The following STK25 variants were observed in gnomAD, a reference collection of about 807,000 sequenced individuals.
The protein encoded by STK25 is serine/threonine-protein kinase 25.
STK25 carries 29 observed loss-of-function variants against 53.8 expected under a neutral mutation model. That is an observed-to-expected ratio of 0.54 (90% CI 0.40 to 0.74). The LOEUF is 0.74. Ranked by LOEUF, STK25 falls within the 30% of genes least tolerant of loss-of-function variation. The probability of loss-of-function intolerance (pLI) is 0.00; values close to 1 mark genes in which losing one functional copy is unlikely to be tolerated. For synonymous variants in STK25, 247 were observed against 238.3 expected (o/e 1.04, Z -0.33); for missense variants, 420 against 568.0 (o/e 0.74, Z 2.65).
chr2:241,498,107 C>A, intron 9 of STK25, 128 bp downstream of exon 9: 1 of 876,288 alleles, frequency 1.1e-6, no homozygotes, highest in South Asian at 1.5e-5. Context: ...GGGCTTCAGA[C>A]CACCCCTGCC....
chr2:241,493,097 C>A lies in STK25; in HGVS notation c.*2565G>T. 1.8e-6 allele frequency: 2 copies of A among 1,141,628 alleles called. No homozygotes were observed. Among genetic ancestry groups the A allele is most frequent in the Non-Finnish European group, 2.7e-6 (2 of 750,564 alleles). 70.7% of individuals were successfully genotyped at this position (1,141,628 alleles called of 1,614,324 possible). ...GCTAGCAGACAGACACTTAACCCTG[C>A]TCACCTGTGTCCCTTTTGTATTTTG... On this transcript the variant is annotated 3_prime_UTR_variant, in exon 12 of 12. Coordinates refer to ENST00000316586, the MANE Select transcript of STK25 (RefSeq NM_001271977.2).
chr2:241,496,947 C>T lies in STK25; in HGVS notation c.1105-413G>A, dbSNP rs895024793. ...TCCATCAGGACACCAGCATCTGAGC[C>T]TCCTGTCACCGGGTGTCACCCACCC... On this transcript the variant is annotated intron_variant, in intron 10 of 11. Coordinates refer to ENST00000316586, the MANE Select transcript of STK25 (RefSeq NM_001271977.2). This position sits in a 1 kb window ranked among gnomAD's most constrained non-coding sequence, Gnocchi z 5.8. 6.6e-6 allele frequency among the ~76,000 whole-genome samples: 1 copy of T among 152,256 alleles called. No homozygotes were observed. Among genetic ancestry groups the T allele is most frequent in the Non-Finnish European group, 1.5e-5 (1 of 68,046 alleles).
In STK25 at chr2:241,508,153, G is replaced by C; in HGVS notation, c.-100-18C>G. The C allele has an allele frequency of 6.8e-7, 1 of 1,470,252 alleles. No individual in the cohort carries two copies. The highest frequency in any genetic ancestry group is 1.5e-5 in the African/African-American group (1 of 68,632). 91.1% of individuals were successfully genotyped at this position (1,470,252 alleles called of 1,614,324 possible). ...TCAGTCCACTGCGAGGGACACCAGG[G>C]GCGCTCGGTGCCCAGTTCAGTCATC... On this transcript the variant is annotated intron_variant, in intron 1 of 11. Coordinates refer to ENST00000316586, the MANE Select transcript of STK25 (RefSeq NM_001271977.2).
Position 241,494,250 on chromosome 2 carries a change from G to T in STK25, c.*1412C>A. 1 of 510,566 alleles carries T rather than the reference G, an allele frequency of 2.0e-6. No homozygotes were observed. The highest frequency in any genetic ancestry group is 3.3e-6 in the Non-Finnish European group (1 of 300,764). 31.6% of individuals were successfully genotyped at this position (510,566 alleles called of 1,614,324 possible). A position where few individuals can be genotyped will look rare whatever the true frequency, so the allele number is the denominator to read the frequency against. ...TCTCACTGGATCCCCACTGGCACCA[G>T]CAGTGTGGGTGGGCCTCATGTAACA... On this transcript the variant is annotated 3_prime_UTR_variant, in exon 12 of 12. Coordinates refer to ENST00000316586, the MANE Select transcript of STK25 (RefSeq NM_001271977.2). The surrounding 1 kb of genome is among the most constrained non-coding windows in gnomAD (Gnocchi z 4.9).
Position 241,496,865 on chromosome 2 carries a change from A to C in STK25, c.1105-331T>G, listed in dbSNP as rs1268870571. Among the ~76,000 whole-genome samples, 1 of 152,200 alleles carries C rather than the reference A, an allele frequency of 6.6e-6. No individual in the cohort carries two copies. The highest frequency in any genetic ancestry group is 2.4e-5 in the African/African-American group (1 of 41,448). ...ACTCAATGGGTCTAATCAGACCCAA[A>C]AACACGAAGCCCAGAAACCCCCAAA... On this transcript the variant is annotated intron_variant, in intron 10 of 11. Transcript: ENST00000316586. The surrounding 1 kb of genome is among the most constrained non-coding windows in gnomAD (Gnocchi z 5.8).
intron 1 of STK25, 102 bp downstream of exon 1, chr2:241,508,341 G>A (rs2065984904): frequency 2.6e-6 from 3 of 1,168,914 alleles, no homozygotes; most frequent in South Asian, 6.0e-5. Context: ...GCTTCCTCCC[G>A]GTGCCCCCGC....
At chr2:241,498,123 C>A in intron 9 of STK25, 112 bp downstream of exon 9, 3 of 1,049,714 alleles carry the variant, frequency 2.9e-6, no homozygotes, top group East Asian at 2.4e-5. Flanking sequence ...CTGCCTTTCC[C>A]AAGCTCCTTG....
chr2:241,493,971 G>T lies in STK25; in HGVS notation c.*1691C>A. 1 of 1,253,026 alleles carries T rather than the reference G, an allele frequency of 8.0e-7. No homozygotes were observed. 77.6% of individuals were successfully genotyped at this position (1,253,026 alleles called of 1,614,324 possible). The stretch of plus-strand genomic sequence containing the variant: ...TTCTTGGGACAGTGTCTGAGCACAA[G>T]ATGGCTCACTGGTCTGATGGCCGCC... On this transcript the variant is annotated 3_prime_UTR_variant, in exon 12 of 12. Coordinates refer to ENST00000316586, the MANE Select transcript of STK25 (RefSeq NM_001271977.2).
chr2:241,493,135 C>A lies in STK25; in HGVS notation c.*2527G>T. The stretch of plus-strand genomic sequence containing the variant: ...CTTTTGTATTTTGGTTCTGCCCTCC[C>A]ATGCTTTGCCCACACACCCTGTGCT... On this transcript the variant is annotated 3_prime_UTR_variant, in exon 12 of 12. Transcript: ENST00000316586. 8.7e-7 allele frequency: 1 copy of A among 1,146,524 alleles called. No homozygotes were observed. Among genetic ancestry groups the A allele is most frequent in the South Asian group, 1.3e-5 (1 of 76,932 alleles). The allele number at this position is 1,146,524 out of a possible 1,614,324, so 71.0% of individuals were successfully genotyped here.
chr2:241,506,814 C>G (rs185124728), intron 2 of STK25, among the ~76,000 whole-genome samples: 9 of 152,138 alleles, frequency 5.9e-5, no homozygotes, highest in Non-Finnish European at 1.0e-4. Context: ...GATTTTTCTC[C>G]CAGCACCTTA....
In STK25 at chr2:241,501,019, C is replaced by G; in HGVS notation, c.262-223G>C. On this transcript the variant is annotated intron_variant, in intron 3 of 11. Coordinates refer to ENST00000316586, the MANE Select transcript of STK25 (RefSeq NM_001271977.2). The surrounding 1 kb of genome is among the most constrained non-coding windows in gnomAD (Gnocchi z 5.3). Reference sequence around the variant, plus strand: ...ACAGGTTGAGTACACACAGCAGTGGCTGACTCCACTTCACCAAGACCCCAT... The same window carrying G: ...ACAGGTTGAGTACACACAGCAGTGGGTGACTCCACTTCACCAAGACCCCAT... 1 of 592,474 alleles carries G rather than the reference C, an allele frequency of 1.7e-6. No individual in the cohort carries two copies. Among genetic ancestry groups the G allele is most frequent in the South Asian group, 2.1e-5 (1 of 48,282 alleles). 36.7% of individuals were successfully genotyped at this position (592,474 alleles called of 1,614,324 possible).
At chr2:241,505,737 G>A (rs1372253965) in intron 2 of STK25, among the ~76,000 whole-genome samples, 1 of 152,208 alleles carries the variant, frequency 6.6e-6, no homozygotes, top group East Asian at 1.9e-4. Flanking sequence ...CTGTGTGACA[G>A]GAACCCTCTT....
At position 241,495,310 on chromosome 2, in the gene STK25, T is replaced by TTGC. The variant is rs1475510615; in HGVS notation, c.*349_*351dup. ...GGAGGAGGCAGAGCTGCCCTGATAG[T>TTGC]TGCTCTGCGCCTTGGTCTGAGCGGC... On this transcript the variant is annotated 3_prime_UTR_variant, in exon 12 of 12. Coordinates refer to ENST00000316586, the MANE Select transcript of STK25 (RefSeq NM_001271977.2). The TTGC allele has an allele frequency of 1.2e-5, 3 of 243,026 alleles. No individual in the cohort carries two copies. Among genetic ancestry groups the TTGC allele is most frequent in the Non-Finnish European group, 1.6e-5 (2 of 123,226 alleles). The allele number at this position is 243,026 out of a possible 1,614,324, so 15.1% of individuals were successfully genotyped here.
In STK25 at chr2:241,505,020, G is replaced by A. The variant is rs148929782; in HGVS notation, c.30+2986C>T. ...CAACCTCCGCCTCCCAGGTTCAAGCGATTCTTCCACCTCAGCCTCCCGAGT... is the reference window on the plus strand; with the variant it reads ...CAACCTCCGCCTCCCAGGTTCAAGCAATTCTTCCACCTCAGCCTCCCGAGT... On this transcript the variant is annotated intron_variant, in intron 2 of 11. Transcript: ENST00000316586. Among the ~76,000 whole-genome samples, 635 of 151,526 alleles carry A rather than the reference G, an allele frequency of 4.2e-3. 7 individuals are homozygous for A. Among genetic ancestry groups the A allele is most frequent in the African/African-American group, 0.015 (619 of 41,304 alleles).
upstream of STK25, among the ~76,000 whole-genome samples, chr2:241,508,964 C>G (rs1291504741): frequency 1.3e-5 from 2 of 152,146 alleles, no homozygotes; most frequent in African/African-American, 4.8e-5. Context: ...CCTGCGCAGC[C>G]CTGGTTCGAG....
At chr2:241,508,833 G>T, upstream of STK25, 1 of 832,010 alleles carries the variant, frequency 1.2e-6, no homozygotes, top group Non-Finnish European at 1.4e-6. Context: ...CGGGGCACGT[G>T]GTCGTTGTCG....
In STK25 at chr2:241,494,147, G is replaced by GACAC. The variant is rs1180292685; in HGVS notation, c.*1511_*1514dup. On this transcript the variant is annotated 3_prime_UTR_variant, in exon 12 of 12. Transcript: ENST00000316586. This position sits in a 1 kb window ranked among gnomAD's most constrained non-coding sequence, Gnocchi z 4.9. ...ATGACGCTCAACCTGCCCAGGTTTG[G>GACAC]ACACAACTACAAAGAACAGCAGGAC... The GACAC allele has an allele frequency of 7.2e-7, 1 of 1,396,418 alleles. No homozygotes were observed. The highest frequency in any genetic ancestry group is 2.8e-5 in the Admixed American group (1 of 35,128). 86.5% of individuals were successfully genotyped at this position (1,396,418 alleles called of 1,614,324 possible).
Position 241,508,024 on chromosome 2 carries a change from G to C in STK25, c.12C>G (p.Leu4=). Residue 4 remains leucine (L), a synonymous_variant, in exon 2 of 12, where the codon CTC becomes CTG. Coordinates refer to ENST00000316586, the MANE Select transcript of STK25 (RefSeq NM_001271977.2). MAH[L]RGFANQHSRV... ...TTCTCACCTGGTTGGCAAATCCCCGGAGGTGAGCCATGGCCGCGCCGCCTC... is the reference window on the plus strand; with the variant it reads ...TTCTCACCTGGTTGGCAAATCCCCGCAGGTGAGCCATGGCCGCGCCGCCTC... 2 of 1,605,230 alleles carry C rather than the reference G, an allele frequency of 1.2e-6. No homozygotes were observed. Among genetic ancestry groups the C allele is most frequent in the Non-Finnish European group, 1.7e-6 (2 of 1,176,946 alleles).
In STK25 at chr2:241,498,272, T is replaced by C. The variant is rs1403858616; in HGVS notation, c.995A>G (p.Lys332Arg). ...PPTIRPSPHSKLHKGTALHSS... is the reference protein window; with the variant it reads ...PPTIRPSPHSRLHKGTALHSS... ...GTGCAGGGCCGTCCCCTTGTGAAGC[T>C]TGCTGTGTGGACTCGGCCGGATGGT... The change falls in exon 9 of 12, where the codon AAG (lysine) becomes AGG (arginine). Residue 332 changes from lysine to arginine, a missense_variant. Physicochemically the swap from Lys to Arg is conservative, Grantham distance 26. Transcript: ENST00000316586. The C allele has an allele frequency of 2.5e-6, 4 of 1,612,098 alleles. No individual in the cohort carries two copies. The highest frequency in any genetic ancestry group is 1.1e-5 in the South Asian group (1 of 91,044).
Sources: allele counts gnomAD v4.1 joint callset (sites outside exome capture counted in the v4.1 genomes callset), GRCh38; gene constraint gnomAD v4.1.1; non-coding constraint Gnocchi (gnomAD v3.1); transcripts MANE v1.5; gene names NCBI Gene and HGNC (gene_info 2026-07-23, HGNC 2026-07-21).